Variants in NR4A2 observed in about 807,000 individuals in gnomAD.
NR4A2 encodes the protein nuclear receptor subfamily 4 group A member 2.
A neutral mutation model predicts 50.5 loss-of-function variants in NR4A2; 1 was observed. The observed-to-expected ratio is 0.02, with a 90% CI of 0.01 to 0.09. NR4A2 has a LOEUF of 0.09. NR4A2 is among the 10% of genes least tolerant of loss of function. The pLI, the probability that NR4A2 is intolerant of heterozygous loss-of-function variation, is 1.00. For synonymous variants in NR4A2, 328 were observed against 309.4 expected, an observed-to-expected ratio of 1.06 and a Z score of -0.63; for missense variants, 613 against 777.3, an observed-to-expected ratio of 0.79 and a Z score of 2.51.
intron 1 of NR4A2, among the ~76,000 whole-genome samples, 183 bp downstream of exon 1, chr2:156,332,297 G>C (rs898366912): frequency 6.6e-6 from 1 of 152,152 alleles, no homozygotes; most frequent in African/African-American, 2.4e-5. Context: ...GCCAAAGCCG[G>C]AGTTCGAACA....
In NR4A2 at chr2:156,326,089, C is replaced by T. The variant is rs2105592300; in HGVS notation, c.1540+61G>A. 6.2e-7 allele frequency: 1 copy of T among 1,613,494 alleles called. No homozygotes were observed. The highest frequency in any genetic ancestry group is 1.1e-5 in the South Asian group (1 of 91,012). On this transcript the variant is annotated intron_variant, in intron 7 of 7. Transcript: ENST00000339562. This position sits in a 1 kb window ranked among gnomAD's most constrained non-coding sequence, Gnocchi z 4.2. ...CAAGGAGAATCTGTGACAAGGGAAA[C>T]TCAGGACAAATCCTGCTAGGCAGTT...
chr2:156,330,907 G>A (rs1387964556), intron 1 of NR4A2, 116 bp from the exon 2 acceptor site: 3 of 890,392 alleles, frequency 3.4e-6, no homozygotes, highest in Non-Finnish European at 4.4e-6. Flanking sequence ...CATTGGAAAT[G>A]AGTGGGAAGC....
In NR4A2 at chr2:156,330,036, T is replaced by C. The variant is rs767916968; in HGVS notation, c.151A>G (p.Ile51Val). The C allele has an allele frequency of 6.2e-7, 1 of 1,614,136 alleles. No individual in the cohort carries two copies. The highest frequency in any genetic ancestry group is 1.1e-5 in the South Asian group (1 of 91,076). ...CTGGGGAGAGAAGTGGTGGCAGTGA[T>C]TTCAGTGTTGGTGAGGTCCATGCTA... ...KFSMDLTNTE[I>V]TATTSLPSFS... The change falls in exon 3 of 8, where the codon ATC (isoleucine) becomes GTC (valine). Residue 51 changes from isoleucine (I) to valine (V), a missense_variant. By Grantham distance (29) the Ile-to-Val change is conservative. Transcript: ENST00000339562.
rs1686989426 is a variant in NR4A2 at position 156,332,683 on chromosome 2, C to T, written c.-330G>A. The T allele has an allele frequency of 2.6e-6, 1 of 381,742 alleles. No individual in the cohort carries two copies. The highest frequency in any genetic ancestry group is 1.9e-5 in the South Asian group (1 of 52,750). 23.6% of individuals were successfully genotyped at this position (381,742 alleles called of 1,614,324 possible). Reference sequence around the variant, plus strand: ...AGCCGTGCGCGAGCCGCCGGGCGGACTGGCCCTGGCCGCCAATGTGCCTTT... The same window carrying T: ...AGCCGTGCGCGAGCCGCCGGGCGGATTGGCCCTGGCCGCCAATGTGCCTTT... On this transcript the variant is annotated 5_prime_UTR_variant, in exon 1 of 8. Coordinates refer to ENST00000339562, the MANE Select transcript of NR4A2 (RefSeq NM_006186.4).
intron 1 of NR4A2, among the ~76,000 whole-genome samples, chr2:156,331,137 A>G (rs1281217090): frequency 6.6e-6 from 1 of 152,184 alleles, no homozygotes; most frequent in African/African-American, 2.4e-5. Context: ...TCAGGACCTG[A>G]GTATGAAGAC....
At position 156,326,062 on chromosome 2, in the gene NR4A2, A is replaced by G. The variant is rs899664078; in HGVS notation, c.1541-62T>C. On this transcript the variant is annotated intron_variant, in intron 7 of 7. Coordinates refer to ENST00000339562, the MANE Select transcript of NR4A2 (RefSeq NM_006186.4). The surrounding 1 kb of genome is among the most constrained non-coding windows in gnomAD (Gnocchi z 4.2). ...ACAAGACAGTTAGCTAGTTGGCAAA[A>G]CCAAGGAGAATCTGTGACAAGGGAA... 1.2e-6 allele frequency: 2 copies of G among 1,613,652 alleles called. No individual in the cohort carries two copies. The highest frequency in any genetic ancestry group is 1.7e-5 in the Admixed American group (1 of 59,956).
rs766707264 is a variant in NR4A2 at position 156,326,708 on chromosome 2, CCCTT to C, written c.1361+6_1361+9del. The C allele has an allele frequency of 2.5e-6, 4 of 1,613,556 alleles. No individual in the cohort carries two copies. Among genetic ancestry groups the C allele is most frequent in the East Asian group, 4.5e-5 (2 of 44,898 alleles). On this transcript the variant is annotated splice_donor_region_variant and intron_variant, in intron 6 of 7. Coordinates refer to ENST00000339562, the MANE Select transcript of NR4A2 (RefSeq NM_006186.4). The surrounding 1 kb of genome is among the most constrained non-coding windows in gnomAD (Gnocchi z 4.2). ...GCCTCCCTGGATTGTCTCCCTCCCT[CCCTT>C]ATTACCTGTATGCTAATCGAAGGAC...
Position 156,326,581 on chromosome 2 carries a change from T to C in NR4A2, c.1361+137A>G. 1.8e-6 allele frequency: 2 copies of C among 1,108,440 alleles called. No homozygotes were observed. Among genetic ancestry groups the C allele is most frequent in the Non-Finnish European group, 2.7e-6 (2 of 753,982 alleles). The allele number at this position is 1,108,440 out of a possible 1,614,324, so 68.7% of individuals were successfully genotyped here. A position where few individuals can be genotyped will look rare whatever the true frequency, so the allele number is the denominator to read the frequency against. ...TCGTCTTTTTTTGTTTTCTTTCTTT[T>C]TCTTCCTTTCTCCGACTTCCATTTC... is the stretch of plus-strand genomic sequence containing the variant. On this transcript the variant is annotated intron_variant, in intron 6 of 7. Coordinates refer to ENST00000339562, the MANE Select transcript of NR4A2 (RefSeq NM_006186.4). The surrounding 1 kb of genome is among the most constrained non-coding windows in gnomAD (Gnocchi z 4.2).
At chr2:156,332,189 C>T (rs1338912453) in intron 1 of NR4A2, among the ~76,000 whole-genome samples, 1 of 152,178 alleles carries the variant, frequency 6.6e-6, no homozygotes, top group African/African-American at 2.4e-5. Flanking sequence ...CGCACATTTC[C>T]GCGGGCTAGT....
Position 156,329,536 on chromosome 2 carries a change from G to A in NR4A2, c.651C>T (p.Thr217=), listed in dbSNP as rs765952748. ...AGSHHVVDGQ[T]FAVPNPIRKP... ...TGCGAATGGGGTTGGGCACAGCGAA[G>A]GTCTGCCCGTCCACCACGTGGTGGC... is the stretch of plus-strand genomic sequence containing the variant. The change falls in exon 3 of 8, where the codon ACC becomes ACT. Residue 217 remains threonine (T), a synonymous_variant. Coordinates refer to ENST00000339562, the MANE Select transcript of NR4A2 (RefSeq NM_006186.4). This position sits in a 1 kb window ranked among gnomAD's most constrained non-coding sequence, Gnocchi z 7.5. 6.2e-7 allele frequency: 1 copy of A among 1,604,402 alleles called. No individual in the cohort carries two copies. The highest frequency in any genetic ancestry group is 1.3e-5 in the African/African-American group (1 of 74,932).
chr2:156,326,594 C>G lies in NR4A2; in HGVS notation c.1361+124G>C. The G allele has an allele frequency of 8.7e-7, 1 of 1,151,174 alleles. No homozygotes were observed. Among genetic ancestry groups the G allele is most frequent in the South Asian group, 1.3e-5 (1 of 75,618 alleles). 71.3% of individuals were successfully genotyped at this position (1,151,174 alleles called of 1,614,324 possible). A position where few individuals can be genotyped will look rare whatever the true frequency, so the allele number is the denominator to read the frequency against. ...TTTTCTTTCTTTTTCTTCCTTTCTC[C>G]GACTTCCATTTCCTATTCTGTCTTT... On this transcript the variant is annotated intron_variant, in intron 6 of 7. Transcript: ENST00000339562. This position sits in a 1 kb window ranked among gnomAD's most constrained non-coding sequence, Gnocchi z 4.2.
chr2:156,329,727 G>C lies in NR4A2; in HGVS notation c.460C>G (p.Gln154Glu), dbSNP rs575027195. The C allele has an allele frequency of 6.2e-7, 1 of 1,613,978 alleles. No individual in the cohort carries two copies. The highest frequency in any genetic ancestry group is 2.2e-5 in the East Asian group (1 of 44,872). The stretch of plus-strand genomic sequence containing the variant: ...ATGTGCGTAGTGGCCACGTAGTTCT[G>C]GTGGAAGTTGTGGAGAGATCCCGGG... ...DDPGSLHNFH[Q>E]NYVATTHMIE... The change falls in exon 3 of 8, where the codon CAG (glutamine) becomes GAG (glutamate). Residue 154 changes from glutamine to glutamate, a missense_variant. Around this residue, in one of 4 missense-constraint regions of NR4A2, gnomAD observed 275 missense variants for 248.9 expected, o/e 1.10. Coordinates refer to ENST00000339562, the MANE Select transcript of NR4A2 (RefSeq NM_006186.4). This position sits in a 1 kb window ranked among gnomAD's most constrained non-coding sequence, Gnocchi z 7.5.
intron 5 of NR4A2, 38 bp downstream of exon 5, chr2:156,327,813 G>C (rs376926876): frequency 6.1e-5 from 95 of 1,555,866 alleles, no homozygotes; most frequent in Non-Finnish European, 8.0e-5. Context: ...CCCATCTGTC[G>C]GTTTGTCCAC....
In NR4A2 at chr2:156,328,563, T is replaced by G; in HGVS notation, c.865-30A>C. ...AAAAGGAGACAATATAGACCAACAT[T>G]TTTTTTCTTCTTTTGAAAATCAGGC... On this transcript the variant is annotated intron_variant, in intron 3 of 7. Coordinates refer to ENST00000339562, the MANE Select transcript of NR4A2 (RefSeq NM_006186.4). This position sits in a 1 kb window ranked among gnomAD's most constrained non-coding sequence, Gnocchi z 4.9. 1 of 1,614,036 alleles carries G rather than the reference T, an allele frequency of 6.2e-7. No homozygotes were observed. The highest frequency in any genetic ancestry group is 8.5e-7 in the Non-Finnish European group (1 of 1,179,994).
chr2:156,326,629 C>T lies in NR4A2; in HGVS notation c.1361+89G>A. ...TTCCTATTCTGTCTTTTTCTCTACC[C>T]CACCCTCTGGTTTCCCTTCCTCCCT... is the stretch of plus-strand genomic sequence containing the variant. On this transcript the variant is annotated intron_variant, in intron 6 of 7. Transcript: ENST00000339562. The surrounding 1 kb of genome is among the most constrained non-coding windows in gnomAD (Gnocchi z 4.2). 7.3e-7 allele frequency: 1 copy of T among 1,375,106 alleles called. No individual in the cohort carries two copies. Among genetic ancestry groups the T allele is most frequent in the Non-Finnish European group, 1.0e-6 (1 of 970,820 alleles). The allele number at this position is 1,375,106 out of a possible 1,614,324, so 85.2% of individuals were successfully genotyped here.
Position 156,330,767 on chromosome 2 carries a change from G to A in NR4A2, c.-102C>T, listed in dbSNP as rs1686888975. 8.0e-7 allele frequency: 1 copy of A among 1,252,964 alleles called. No homozygotes were observed. The highest frequency in any genetic ancestry group is 1.5e-5 in the African/African-American group (1 of 64,852). The allele number at this position is 1,252,964 out of a possible 1,614,324, so 77.6% of individuals were successfully genotyped here. A position where few individuals can be genotyped will look rare whatever the true frequency, so the allele number is the denominator to read the frequency against. ...CCAAGATTTTTAGAAAAGCAATGGGGAGTCCAGCCTGTCCAATCTCCTCCC... is the reference window on the plus strand; with the variant it reads ...CCAAGATTTTTAGAAAAGCAATGGGAAGTCCAGCCTGTCCAATCTCCTCCC... On this transcript the variant is annotated 5_prime_UTR_variant, in exon 2 of 8. Coordinates refer to ENST00000339562, the MANE Select transcript of NR4A2 (RefSeq NM_006186.4).
chr2:156,329,561 C>T lies in NR4A2; in HGVS notation c.626G>A (p.Ser209Asn), dbSNP rs1686817575. 9 of 1,602,680 alleles carry T rather than the reference C, an allele frequency of 5.6e-6. No individual in the cohort carries two copies. The highest frequency in any genetic ancestry group is 7.7e-6 in the Non-Finnish European group (9 of 1,173,504). Residue 209 changes from serine (S) to asparagine (N), a missense_variant, in exon 3 of 8, where the codon AGC becomes AAC. By Grantham distance (46) the Ser-to-Asn change is conservative. Transcript: ENST00000339562. This position sits in a 1 kb window ranked among gnomAD's most constrained non-coding sequence, Gnocchi z 7.5. ...HVPMNPEPAG[S>N]HHVVDGQTFA... ...GGTCTGCCCGTCCACCACGTGGTGG[C>T]TGCCGGCGGGCTCCGGGTTCATGGG...
Position 156,326,111 on chromosome 2 carries a change from A to T in NR4A2, c.1540+39T>A. 6.2e-7 allele frequency: 1 copy of T among 1,613,874 alleles called. No individual in the cohort carries two copies. Among genetic ancestry groups the T allele is most frequent in the Non-Finnish European group, 8.5e-7 (1 of 1,179,784 alleles). Reference sequence around the variant, plus strand: ...AAACTCAGGACAAATCCTGCTAGGCAGTTCTGGAGGGGAAGCGCCCTGCGC... The same window carrying T: ...AAACTCAGGACAAATCCTGCTAGGCTGTTCTGGAGGGGAAGCGCCCTGCGC... On this transcript the variant is annotated intron_variant, in intron 7 of 7. Transcript: ENST00000339562. This position sits in a 1 kb window ranked among gnomAD's most constrained non-coding sequence, Gnocchi z 4.2.
rs1686629039 is a variant in NR4A2, at chr2:156,326,091, C to T, written c.1540+59G>A. ...AGGAGAATCTGTGACAAGGGAAACTCAGGACAAATCCTGCTAGGCAGTTCT... is the reference window on the plus strand; with the variant it reads ...AGGAGAATCTGTGACAAGGGAAACTTAGGACAAATCCTGCTAGGCAGTTCT... On this transcript the variant is annotated intron_variant, in intron 7 of 7. Transcript: ENST00000339562. The surrounding 1 kb of genome is among the most constrained non-coding windows in gnomAD (Gnocchi z 4.2). 2.5e-6 allele frequency: 4 copies of T among 1,613,420 alleles called. No homozygotes were observed. The highest frequency in any genetic ancestry group is 3.4e-6 in the Non-Finnish European group (4 of 1,179,560).
Sources: gnomAD v4.1 joint callset for allele counts (sites outside exome capture counted in the v4.1 genomes callset) on GRCh38, gnomAD v4.1.1 for gene constraint, gnomAD v4.1.1 regional missense constraint, Gnocchi (gnomAD v3.1) non-coding constraint, MANE v1.5 for transcripts, NCBI Gene and HGNC (gene_info 2026-07-23, HGNC 2026-07-21) for gene names.